The following CNTRL variants were observed in gnomAD, a reference collection of about 807,000 sequenced individuals.
CNTRL encodes 110 kDa centrosomal protein.
Under a neutral mutation model 303.7 loss-of-function variants are expected in CNTRL, and 233 were observed. The ratio of observed to expected loss-of-function variants is 0.77; its 90% CI spans 0.69 to 0.86. The LOEUF (loss-of-function observed/expected upper bound fraction) is 0.86. Ranked by LOEUF, CNTRL falls within the 40% of genes least tolerant of loss-of-function variation. The pLI, the probability that CNTRL is intolerant of heterozygous loss-of-function variation, is 0.00. For synonymous variants in CNTRL, 900 were observed against 922.2 expected, an observed-to-expected ratio of 0.98 and a Z score of 0.44; for missense variants, 2,524 against 2,650.6, an observed-to-expected ratio of 0.95 and a Z score of 1.05.
At chr9:121,097,140 AT>A in intron 6 of CNTRL, among the ~76,000 whole-genome samples, 1 of 152,186 alleles carries the variant, frequency 6.6e-6, no homozygotes, top group Non-Finnish European at 1.5e-5. Flanking sequence ...ATAGTTTATG[AT>A]TTTCTTATGG....
intron 43 of CNTRL, among the ~76,000 whole-genome samples, chr9:121,176,932 A>AT (rs3838266): frequency 0.6 from 90,986 of 151,502 alleles, 29,578 homozygotes; most frequent in South Asian, 0.9. Context: ...GATGTTACAG[A>AT]TTTTTTTTTA....
chr9:121,141,417 T>G lies in CNTRL; in HGVS notation c.2520T>G (p.Leu840=), dbSNP rs2051503837. 6.2e-7 allele frequency: 1 copy of G among 1,614,002 alleles called. No homozygotes were observed. Among genetic ancestry groups the G allele is most frequent in the Non-Finnish European group, 8.5e-7 (1 of 1,179,926 alleles). ...HSPSDVLGKS[L]ADLQKQFSEI... is the part of the protein sequence containing the mutation. ...CTTCAGATGTCTTAGGGAAAAGTCT[T>G]GCTGATTTACAGAAACAATTCAGTG... Residue 840 remains leucine, a synonymous_variant, in exon 18 of 44, where the codon CTT becomes CTG. Transcript: ENST00000373855.
At chr9:121,097,379 A>G (rs1455113171) in intron 6 of CNTRL, among the ~76,000 whole-genome samples, 2 of 152,146 alleles carry the variant, frequency 1.3e-5, no homozygotes, top group Non-Finnish European at 2.9e-5. Flanking sequence ...AACAATCCCT[A>G]TACTGCCTCC....
At chr9:121,148,172 C>G (rs1202357697) in intron 23 of CNTRL, among the ~76,000 whole-genome samples, 1 of 152,210 alleles carries the variant, frequency 6.6e-6, no homozygotes, top group Non-Finnish European at 1.5e-5. Flanking sequence ...TCATTTCTCT[C>G]TTGGGGAGTT....
In CNTRL at chr9:121,161,882, C is replaced by CA. The variant is rs1430143413; in HGVS notation, c.5118dup (p.Leu1707ThrfsTer2). ...ACTAAAGAATATTCTGGACATGTTGCAACTTGAAAACCATGAGCTACAAGG... is the reference window on the plus strand; with the variant it reads ...ACTAAAGAATATTCTGGACATGTTGCAAACTTGAAAACCATGAGCTACAAGG... On this transcript the variant is annotated frameshift_variant, in exon 33 of 44. Coordinates refer to ENST00000373855, the MANE Select transcript of CNTRL (RefSeq NM_007018.6). LOFTEE classifies it high-confidence loss of function. 2.2e-5 allele frequency: 35 copies of CA among 1,613,782 alleles called. No homozygotes were observed. Among genetic ancestry groups the CA allele is most frequent in the Non-Finnish European group, 3.0e-5 (35 of 1,179,836 alleles).
rs1564287875 is a variant in CNTRL, at chr9:121,157,552, G to A, written c.4448G>A (p.Arg1483Lys). 1 of 1,614,162 alleles carries A rather than the reference G, an allele frequency of 6.2e-7. No individual in the cohort carries two copies. Among genetic ancestry groups the A allele is most frequent in the Non-Finnish European group, 8.5e-7 (1 of 1,180,006 alleles). The change falls in exon 28 of 44, where the codon AGA (arginine) becomes AAA (lysine). Residue 1483 changes from arginine (R) to lysine (K), a missense_variant. Arg to Lys is a conservative substitution (Grantham distance 26, BLOSUM62 2). Coordinates refer to ENST00000373855, the MANE Select transcript of CNTRL (RefSeq NM_007018.6). ...TESDAEELER[R>K]AQETAVNLVK... ...TCAGATGCTGAGGAATTAGAAAGGAGAGCTCAGGAAACTGCTGTTAACCTC... is the reference window on the plus strand; with the variant it reads ...TCAGATGCTGAGGAATTAGAAAGGAAAGCTCAGGAAACTGCTGTTAACCTC...
chr9:121,087,424 C>T (rs1362276577), intron 2 of CNTRL, among the ~76,000 whole-genome samples: 1 of 152,136 alleles, frequency 6.6e-6, no homozygotes, highest in African/African-American at 2.4e-5. Context: ...TGATGGCTCA[C>T]ACCCATATGT....
chr9:121,131,102 A>G (rs980635009), intron 14 of CNTRL, among the ~76,000 whole-genome samples: 1 of 152,226 alleles, frequency 6.6e-6, no homozygotes, highest in Non-Finnish European at 1.5e-5. Flanking sequence ...AAGAATGTAT[A>G]TTCTGTTGAT....
At chr9:121,107,407 A>AAT (rs1588124868) in intron 7 of CNTRL, among the ~76,000 whole-genome samples, 2 of 152,222 alleles carry the variant, frequency 1.3e-5, no homozygotes, top group South Asian at 2.1e-4. Context: ...ATCTTATCCT[A>AAT]AGAGTAACAG....
chr9:121,149,487 C>T (rs954005627), intron 24 of CNTRL, among the ~76,000 whole-genome samples: 3 of 151,946 alleles, frequency 2.0e-5, no homozygotes, highest in Admixed American at 6.6e-5. Flanking sequence ...CTGCAACCTC[C>T]GCCTCCTGGA....
intron 4 of CNTRL, 108 bp from the exon 5 acceptor site, chr9:121,094,780 T>G (rs2048819034): frequency 3.8e-6 from 3 of 796,174 alleles, no homozygotes; most frequent in Non-Finnish European, 5.9e-6. Context: ...TAAGGGTATA[T>G]TATTTTCTGA....
At chr9:121,116,456 G>A (rs561048628) in intron 11 of CNTRL, among the ~76,000 whole-genome samples, 6 of 152,176 alleles carry the variant, frequency 3.9e-5, no homozygotes, top group Admixed American at 2.0e-4. Flanking sequence ...GAATAGCTGG[G>A]ACTACAGGCA....
intron 7 of CNTRL, among the ~76,000 whole-genome samples, chr9:121,103,742 A>AGTTC (rs2049306695): frequency 6.6e-6 from 1 of 152,262 alleles, no homozygotes; most frequent in Admixed American, 6.5e-5. Context: ...GGATATGAAC[A>AGTTC]GACACATCTC....
rs149382841 is a variant in CNTRL, at chr9:121,127,132, A to G, written c.2025+1196A>G. ...ACAGCGCCTGGCCTATGTTTTCGAG[A>G]ATTATGCACACTGATAGATGTAGTT... On this transcript the variant is annotated intron_variant, in intron 14 of 43. Coordinates refer to ENST00000373855, the MANE Select transcript of CNTRL (RefSeq NM_007018.6). Among the ~76,000 whole-genome samples the G allele has an allele frequency of 1.0e-3, 158 of 152,108 alleles. 1 individual carries two copies. The highest frequency in any genetic ancestry group is 2.9e-3 in the Admixed American group (44 of 15,258).
At chr9:121,154,402 T>A (rs1372981735) in intron 26 of CNTRL, among the ~76,000 whole-genome samples, 1 of 152,230 alleles carries the variant, frequency 6.6e-6, no homozygotes, top group African/African-American at 2.4e-5. Context: ...TTTGCTTTAT[T>A]TTTATACCTC....
chr9:121,162,422 G>A, intron 34 of CNTRL, 151 bp downstream of exon 34: 15 of 628,078 alleles, frequency 2.4e-5, no homozygotes, highest in East Asian at 9.1e-5. Flanking sequence ...TTTTTTTGGA[G>A]AATTTCCTTC....
chr9:121,121,829 G>A (rs974598610), intron 12 of CNTRL: 176 of 985,448 alleles, frequency 1.8e-4, no homozygotes, highest in Non-Finnish European at 2.0e-4. Flanking sequence ...GGAGGCGCTT[G>A]CAAAAATGTG....
intron 22 of CNTRL, among the ~76,000 whole-genome samples, chr9:121,145,738 A>T (rs1379826705): frequency 1.3e-5 from 2 of 152,056 alleles, no homozygotes; most frequent in Admixed American, 6.5e-5. Flanking sequence ...CTACTAAAAA[A>T]TACAAAAATT....
chr9:121,125,969 T>C, intron 14 of CNTRL, 33 bp downstream of exon 14: 1 of 1,551,318 alleles, frequency 6.4e-7, no homozygotes, highest in South Asian at 1.1e-5. Context: ...TTTCCGTAGC[T>C]TCATAAGTAG....
Sources: gnomAD v4.1 joint callset for allele counts (sites outside exome capture counted in the v4.1 genomes callset) on GRCh38, gnomAD v4.1.1 for gene constraint, MANE v1.5 for transcripts, NCBI Gene and HGNC (gene_info 2026-07-23, HGNC 2026-07-21) for gene names.